Variants in ATXN3 observed in about 807,000 individuals in gnomAD.
The protein encoded by ATXN3 is ataxin-3.
A neutral mutation model predicts 58.2 loss-of-function variants in ATXN3; 28 were observed. The ratio of observed to expected loss-of-function variants is 0.48; its 90% CI spans 0.36 to 0.66. ATXN3 has a LOEUF of 0.66. Ranked by LOEUF, ATXN3 falls within the 30% of genes least tolerant of loss-of-function variation. The pLI is 0.00. For missense variants in ATXN3, 321 were observed against 422.1 expected, an observed-to-expected ratio of 0.76 and a Z score of 2.10; for synonymous variants, 113 against 138.5, an observed-to-expected ratio of 0.82 and a Z score of 1.29.
chr14:92,081,603 T>C (rs781275143), intron 8 of ATXN3, among the ~76,000 whole-genome samples: 28 of 151,454 alleles, frequency 1.8e-4, no homozygotes, highest in Admixed American at 6.6e-5. Flanking sequence ...GAGGCATGCA[T>C]AGAGGCAAGA....
downstream of ATXN3, among the ~76,000 whole-genome samples, chr14:92,056,018 G>C (rs1341392054): frequency 6.6e-6 from 1 of 152,220 alleles, no homozygotes; most frequent in Non-Finnish European, 1.5e-5. Context: ...CAGTGTTGGA[G>C]ACAGAGATGC....
chr14:92,091,171 C>A (rs959212508), intron 5 of ATXN3, among the ~76,000 whole-genome samples: 3 of 151,982 alleles, frequency 2.0e-5, no homozygotes, highest in Non-Finnish European at 4.4e-5. Context: ...CAACTTAGGG[C>A]TCGGCATGGT....
intron 1 of ATXN3, among the ~76,000 whole-genome samples, chr14:92,048,758 C>T (rs2057437892): frequency 6.6e-6 from 1 of 151,892 alleles, no homozygotes; most frequent in Non-Finnish European, 1.5e-5. Context: ...GGACCGGAGG[C>T]TGAGGAAGAA....
downstream of ATXN3, among the ~76,000 whole-genome samples, chr14:92,054,153 C>T (rs944272794): frequency 6.6e-6 from 1 of 152,116 alleles, no homozygotes; most frequent in Non-Finnish European, 1.5e-5. Context: ...CCAGGCTGGT[C>T]TTGAACTCTT....
rs1222741351 is a variant in ATXN3, at chr14:92,071,029, C to CTGCTGCTGCTGCTGCTGCTGA, written c.896_897insTCAGCAGCAGCAGCAGCAGCA (p.Gln298_Gln299insHisGlnGlnGlnGlnGlnGln). ...GGTCCCCCTGCTGCTGCTGCTGCTGCTGCTGTTGCTGCTTTTGCTGCTGTC... is the reference window on the plus strand; with the variant it reads ...GGTCCCCCTGCTGCTGCTGCTGCTGCTGCTGCTGCTGCTGCTGCTGATGCTGTTGCTGCTTTTGCTGCTGTC... On this transcript the variant is annotated inframe_insertion, in exon 10 of 11. Coordinates refer to ENST00000644486, the MANE Select transcript of ATXN3 (RefSeq NM_004993.6). 1 of 1,609,694 alleles carries CTGCTGCTGCTGCTGCTGCTGA rather than the reference C, an allele frequency of 6.2e-7. No individual in the cohort carries two copies. The highest frequency in any genetic ancestry group is 1.3e-5 in the African/African-American group (1 of 74,700).
chr14:92,080,661 G>A, intron 9 of ATXN3: 1 of 351,164 alleles, frequency 2.8e-6, no homozygotes, highest in South Asian at 2.2e-5. Context: ...AGCCTCCCAA[G>A]CAGCTGGGAC....
At chr14:92,100,362 A>G (rs1285163360) in intron 1 of ATXN3, among the ~76,000 whole-genome samples, 1 of 152,168 alleles carries the variant, frequency 6.6e-6, no homozygotes, top group Admixed American at 6.6e-5. Flanking sequence ...CACAAATAGC[A>G]TTACTATTTG....
rs2057822241 is a variant in ATXN3 at position 92,062,176 on chromosome 14, GA to G, written c.*2143del. The G allele has an allele frequency of 6.6e-6, 1 of 152,138 alleles. No homozygotes were observed. The allele number at this position is 152,138 out of a possible 1,614,324, so 9.4% of individuals were successfully genotyped here. A position where few individuals can be genotyped will look rare whatever the true frequency, so the allele number is the denominator to read the frequency against. ...GGAGGCTGAGGCAGGAGAATTGCTT[GA>G]ACCCGGGAGGTGGAAGTTGTAGTGA... is the stretch of plus-strand genomic sequence containing the variant. On this transcript the variant is annotated 3_prime_UTR_variant, in exon 11 of 11. Coordinates refer to ENST00000644486, the MANE Select transcript of ATXN3 (RefSeq NM_004993.6).
intron 9 of ATXN3, among the ~76,000 whole-genome samples, chr14:92,074,035 G>A (rs1180610984): frequency 8.2e-5 from 11 of 134,004 alleles, no homozygotes; most frequent in African/African-American, 2.4e-4. Context: ...AAAAAAAAAA[G>A]GGAGAAATGG....
intron 1 of ATXN3, among the ~76,000 whole-genome samples, chr14:92,105,835 G>A (rs1299596408): frequency 1.3e-5 from 2 of 152,172 alleles, no homozygotes; most frequent in African/African-American, 2.4e-5. Flanking sequence ...AACAAAGCTG[G>A]CCGCCTGCTC....
intron 9 of ATXN3, among the ~76,000 whole-genome samples, chr14:92,080,048 C>A (rs936693343): frequency 6.7e-6 from 1 of 150,020 alleles, no homozygotes; most frequent in Non-Finnish European, 1.5e-5. Flanking sequence ...TTTTATTTTT[C>A]TTTAAAAAAA....
chr14:92,095,028 AC>A lies in ATXN3; in HGVS notation c.234+1064del, dbSNP rs527704689. Among the ~76,000 whole-genome samples, 73 of 151,986 alleles carry A rather than the reference AC, an allele frequency of 4.8e-4. 1 individual carries two copies. In the South Asian group the frequency reaches 0.015, roughly 31 times the overall value. On this transcript the variant is annotated intron_variant, in intron 3 of 10. Coordinates refer to ENST00000644486, the MANE Select transcript of ATXN3 (RefSeq NM_004993.6). ...CACAGTGTTAGAAAAAGAATGAAAGACCCACAGATAAAAGAATCTTGCGAGT... is the reference window on the plus strand; with the variant it reads ...CACAGTGTTAGAAAAAGAATGAAAGACCACAGATAAAAGAATCTTGCGAGT...
downstream of ATXN3, among the ~76,000 whole-genome samples, chr14:92,057,991 T>C (rs902722202): frequency 2.6e-5 from 4 of 152,148 alleles, no homozygotes; most frequent in Non-Finnish European, 5.9e-5. Context: ...ATTAAAGGCA[T>C]GAGCCACTGG....
upstream of ATXN3, among the ~76,000 whole-genome samples, chr14:92,051,709 T>G (rs2057448406): frequency 7.1e-6 from 1 of 140,406 alleles, no homozygotes; most frequent in African/African-American, 2.6e-5. Context: ...TCTTTTCTTC[T>G]TTTCCTTTCT....
intron 7 of ATXN3, among the ~76,000 whole-genome samples, chr14:92,082,839 G>A (rs2061712583): frequency 6.6e-6 from 1 of 151,886 alleles, no homozygotes; most frequent in South Asian, 2.1e-4. Flanking sequence ...TTGTAGAGAT[G>A]AGGTTTTGCC....
At chr14:92,078,399 T>C (rs1453523238) in intron 9 of ATXN3, among the ~76,000 whole-genome samples, 2 of 151,986 alleles carry the variant, frequency 1.3e-5, no homozygotes, top group African/African-American at 2.4e-5. Context: ...TTTCACTCTT[T>C]TTGCCCAGGC....
intron 1 of ATXN3, among the ~76,000 whole-genome samples, chr14:92,098,443 C>T (rs1485047133): frequency 2.0e-5 from 3 of 152,066 alleles, no homozygotes. Context: ...CAAAAATTAG[C>T]CAGCATGGTG....
intron 3 of ATXN3, 111 bp from the exon 4 acceptor site, chr14:92,093,942 AG>A (rs1421373008): frequency 1.5e-5 from 8 of 525,156 alleles, no homozygotes; most frequent in Admixed American, 7.2e-5. Flanking sequence ...AGAAGGCTAT[AG>A]GTTTTTTTTT....
downstream of ATXN3, among the ~76,000 whole-genome samples, chr14:92,057,628 TTA>T (rs74793769): frequency 7.3e-3 from 1,115 of 152,092 alleles, 32 homozygotes; most frequent in South Asian, 0.075. Context: ...TGTAATGTTA[TTA>T]TGTTTCAAAA....
Sources: allele counts gnomAD v4.1 joint callset (sites outside exome capture counted in the v4.1 genomes callset), GRCh38; gene constraint gnomAD v4.1.1; transcripts MANE v1.5; gene names NCBI Gene and HGNC (gene_info 2026-07-23, HGNC 2026-07-21).